Variants in C20orf203 observed in about 807,000 individuals in gnomAD.
C20orf203 encodes uncharacterized protein C20orf203.
Under a neutral mutation model 15.9 loss-of-function variants are expected in C20orf203, and 16 were observed. The ratio of observed to expected loss-of-function variants is 1.01; its 90% CI spans 0.68 to 1.53. The LOEUF is 1.53. Among genes scored for constraint, C20orf203 ranks in the 40% most tolerant of loss-of-function variants. C20orf203 has a pLI of 0.00. For missense variants in C20orf203, 263 were observed against 247.5 expected (o/e 1.06, Z -0.42); for synonymous variants, 98 against 97.2 (o/e 1.01, Z -0.05).
At chr20:32,648,716 C>T (rs915120878) in intron 4 of C20orf203, among the ~76,000 whole-genome samples, 1 of 151,506 alleles carries the variant, frequency 6.6e-6, no homozygotes, top group Non-Finnish European at 1.5e-5. Context: ...CCTCTCAAAG[C>T]GCTGGGATTA....
chr20:32,672,458 A>G (rs1315394998), intron 1 of C20orf203, among the ~76,000 whole-genome samples: 1 of 152,058 alleles, frequency 6.6e-6, no homozygotes, highest in African/African-American at 2.4e-5. Context: ...CTGTAGTCCT[A>G]GCTACTCAAG....
At chr20:32,660,881 G>A (rs1982874180) in intron 1 of C20orf203, among the ~76,000 whole-genome samples, 1 of 115,640 alleles carries the variant, frequency 8.6e-6, no homozygotes, top group African/African-American at 3.3e-5. Context: ...AGCGGGGAAA[G>A]CCCCTTATAA....
At chr20:32,639,476 G>A (rs1279824383) in intron 5 of C20orf203, among the ~76,000 whole-genome samples, 1 of 152,062 alleles carries the variant, frequency 6.6e-6, no homozygotes, top group Non-Finnish European at 1.5e-5. Context: ...TGTAATATGG[G>A]GTTCATAAGT....
chr20:32,650,404 G>A lies in C20orf203; in HGVS notation c.*28C>T. On this transcript the variant is annotated 3_prime_UTR_variant, in exon 4 of 6. Transcript: ENST00000608990. ...GGCCTTGGTAGGACAGGCAGGCAGAGCTGGGGGTGGGGGCGCCCTGGGCTC... is the reference window on the plus strand; with the variant it reads ...GGCCTTGGTAGGACAGGCAGGCAGAACTGGGGGTGGGGGCGCCCTGGGCTC... 3 of 1,514,050 alleles carry A rather than the reference G, an allele frequency of 2.0e-6. No individual in the cohort carries two copies. In the African/African-American group the frequency reaches 4.1e-5, roughly 21 times the overall value. The allele number at this position is 1,514,050 out of a possible 1,614,324, so 93.8% of individuals were successfully genotyped here.
chr20:32,649,116 T>C (rs550039101), intron 4 of C20orf203, 139 bp downstream of exon 4: 2 of 152,340 alleles, frequency 1.3e-5, no homozygotes, highest in African/African-American at 4.8e-5. Flanking sequence ...CCAATGACTA[T>C]CAAGGACTCC....
chr20:32,646,469 G>T (rs1982436740), intron 4 of C20orf203, among the ~76,000 whole-genome samples: 2 of 152,162 alleles, frequency 1.3e-5, no homozygotes, highest in African/African-American at 4.8e-5. Context: ...GCCTCCCAAA[G>T]TGCTGGGATT....
chr20:32,652,740 G>T (rs995980315), intron 1 of C20orf203, among the ~76,000 whole-genome samples: 2 of 152,134 alleles, frequency 1.3e-5, no homozygotes, highest in African/African-American at 4.8e-5. Flanking sequence ...CCAGTTTGGG[G>T]GGCTTCCTGC....
Position 32,632,174 on chromosome 20 carries a change from A to C in C20orf203, c.*3396T>G, listed in dbSNP as rs140139912. Reference sequence around the variant, plus strand: ...TGCATTTGAGCCTCACAAATACCGCACTGGGGGAGGCAACAGCCCGTCTGT... The same window carrying C: ...TGCATTTGAGCCTCACAAATACCGCCCTGGGGGAGGCAACAGCCCGTCTGT... On this transcript the variant is annotated 3_prime_UTR_variant, in exon 6 of 6. Coordinates refer to ENST00000608990, the MANE Select transcript of C20orf203 (RefSeq NM_182584.4). The C allele has an allele frequency of 1.1e-4, 17 of 152,336 alleles. No individual in the cohort carries two copies. The highest frequency in any genetic ancestry group is 4.1e-4 in the African/African-American group (17 of 41,576). The allele number at this position is 152,336 out of a possible 1,614,324, so 9.4% of individuals were successfully genotyped here. A position where few individuals can be genotyped will look rare whatever the true frequency, so the allele number is the denominator to read the frequency against.
intron 4 of C20orf203, among the ~76,000 whole-genome samples, chr20:32,646,930 C>T (rs1004989583): frequency 1.3e-5 from 2 of 152,154 alleles, no homozygotes; most frequent in African/African-American, 4.8e-5. Flanking sequence ...TTTCAACTAC[C>T]CCATGTCTCC....
At chr20:32,666,490 G>A (rs982387124) in intron 1 of C20orf203, among the ~76,000 whole-genome samples, 15 of 150,500 alleles carry the variant, frequency 1.0e-4, no homozygotes, top group Admixed American at 2.0e-4. Context: ...AAGTCCAGGC[G>A]CAGTGGCTCA....
chr20:32,657,448 CCA>C (rs1479313197), intron 1 of C20orf203: 1 of 152,132 alleles, frequency 6.6e-6, no homozygotes, highest in African/African-American at 2.4e-5. Flanking sequence ...TGAGATCTCA[CCA>C]CTGCACTACA....
At chr20:32,639,560 G>A (rs1018653754) in intron 5 of C20orf203, among the ~76,000 whole-genome samples, 9 of 151,308 alleles carry the variant, frequency 5.9e-5, no homozygotes, top group African/African-American at 2.2e-4. Context: ...AGGATCGCTT[G>A]AGCACAGGAG....
intron 4 of C20orf203, among the ~76,000 whole-genome samples, chr20:32,646,421 G>C (rs984586986): frequency 2.6e-5 from 4 of 152,064 alleles, no homozygotes; most frequent in Non-Finnish European, 5.9e-5. Context: ...GCCCAGGCTG[G>C]TCTCGAACTC....
chr20:32,666,243 G>T (rs2145681982), intron 1 of C20orf203, among the ~76,000 whole-genome samples: 1 of 151,702 alleles, frequency 6.6e-6, no homozygotes, highest in Admixed American at 6.6e-5. Context: ...GAGGCAGGAG[G>T]ATCTCTTGAG....
chr20:32,650,653 C>CT lies in C20orf203; in HGVS notation c.363dup (p.Val122SerfsTer59), dbSNP rs1982588646. 9 of 1,549,392 alleles carry CT rather than the reference C, an allele frequency of 5.8e-6. No homozygotes were observed. Among genetic ancestry groups the CT allele is most frequent in the Non-Finnish European group, 7.0e-6 (8 of 1,146,432 alleles). On this transcript the variant is annotated frameshift_variant, in exon 4 of 6. Transcript: ENST00000608990. LOFTEE classifies it high-confidence loss of function. ...GCAGGGGCCCGCAGCCCCCTCCCCA[C>CT]TTCCCTATCTCTCCGACCCACCTTG...
Position 32,632,625 on chromosome 20 carries a change from G to A in C20orf203, c.*2945C>T, listed in dbSNP as rs1165915360. ...AGAGCTTCTTCCACAGCAGTACACG[G>A]GACCGCCTCGTTCTTTTTCATGCCT... On this transcript the variant is annotated 3_prime_UTR_variant, in exon 6 of 6. Coordinates refer to ENST00000608990, the MANE Select transcript of C20orf203 (RefSeq NM_182584.4). The A allele has an allele frequency of 6.6e-6, 1 of 152,060 alleles. No individual in the cohort carries two copies. Among genetic ancestry groups the A allele is most frequent in the Non-Finnish European group, 1.5e-5 (1 of 68,028 alleles). The allele number at this position is 152,060 out of a possible 1,614,324, so 9.4% of individuals were successfully genotyped here.
At chr20:32,660,874 G>T (rs1357093869) in intron 1 of C20orf203, among the ~76,000 whole-genome samples, 1 of 121,588 alleles carries the variant, frequency 8.2e-6, no homozygotes, top group African/African-American at 3.1e-5. Context: ...CAAGCAAAGC[G>T]GGGAAAGCCC....
At chr20:32,661,632 G>A (rs1376247532) in intron 1 of C20orf203, among the ~76,000 whole-genome samples, 1 of 152,180 alleles carries the variant, frequency 6.6e-6, no homozygotes, top group African/African-American at 2.4e-5. Context: ...TTGTCTGGGA[G>A]AGCAGGGGAC....
chr20:32,668,927 A>G (rs1983098768), intron 1 of C20orf203, among the ~76,000 whole-genome samples: 2 of 152,282 alleles, frequency 1.3e-5, no homozygotes, highest in Admixed American at 1.3e-4. Context: ...TGTTCTTGCC[A>G]TGTGCTGGTG....
Sources: allele counts gnomAD v4.1 joint callset (sites outside exome capture counted in the v4.1 genomes callset), GRCh38; gene constraint gnomAD v4.1.1; transcripts MANE v1.5; gene names NCBI Gene and HGNC (gene_info 2026-07-23, HGNC 2026-07-21).